SLIT3: variants seen among roughly 807,000 people sequenced by gnomAD.
The protein encoded by SLIT3 is slit guidance ligand 3, also known as slit homolog 3 protein.
A neutral mutation model predicts 184.0 loss-of-function variants in SLIT3; 68 were observed. The ratio of observed to expected loss-of-function variants is 0.37; its 90% CI spans 0.30 to 0.45. The LOEUF is 0.45. SLIT3 is among the 20% of genes least tolerant of loss of function. The pLI, the probability that SLIT3 is intolerant of heterozygous loss-of-function variation, is 1.00. For missense variants in SLIT3, 1,707 were observed against 2,026.0 expected (o/e 0.84, Z 3.02); for synonymous variants, 831 against 828.6 (o/e 1.00, Z -0.05).
At chr5:169,143,826 C>T (rs1487949071) in intron 4 of SLIT3, among the ~76,000 whole-genome samples, 1 of 152,056 alleles carries the variant, frequency 6.6e-6, no homozygotes, top group Non-Finnish European at 1.5e-5. Flanking sequence ...TATGTATGCA[C>T]ATGTGTGTGT....
intron 4 of SLIT3, among the ~76,000 whole-genome samples, chr5:168,938,624 C>T (rs1762236104): frequency 6.6e-6 from 1 of 152,118 alleles, no homozygotes; most frequent in Admixed American, 6.5e-5. Flanking sequence ...CTTTTCTCTA[C>T]ACAATGATTA....
Position 168,983,687 on chromosome 5 carries a change from G to C in SLIT3, c.414-100351C>G, listed in dbSNP as rs191112195. Among the ~76,000 whole-genome samples the C allele has an allele frequency of 9.2e-5, 14 of 152,260 alleles. No homozygotes were observed. The East Asian group carries it at 2.5e-3, about 27-fold the overall frequency. On this transcript the variant is annotated intron_variant, in intron 4 of 35. Transcript: ENST00000519560. ...TAAAAATTAAATTATAAAGCATTTA[G>C]AACAGTGCTTGGTGCACAGTAAACA...
chr5:168,928,933 G>T (rs1051096463), intron 4 of SLIT3, among the ~76,000 whole-genome samples: 4 of 152,190 alleles, frequency 2.6e-5, no homozygotes, highest in African/African-American at 9.7e-5. Flanking sequence ...CTTGGCGTAA[G>T]ACTCTTCCCA....
At chr5:169,227,850 G>A (rs542219525) in intron 3 of SLIT3, among the ~76,000 whole-genome samples, 51 of 152,370 alleles carry the variant, frequency 3.3e-4, no homozygotes, top group African/African-American at 1.2e-3. Flanking sequence ...TGGCAGAGGA[G>A]GAGCTGAGAT....
chr5:169,185,963 T>G (rs1172794561), intron 4 of SLIT3, among the ~76,000 whole-genome samples: 1 of 152,182 alleles, frequency 6.6e-6, no homozygotes, highest in Non-Finnish European at 1.5e-5. Context: ...GGCCTCTGTT[T>G]CTGTATCTCT....
At chr5:168,738,891 T>G (rs892330346) in intron 20 of SLIT3, among the ~76,000 whole-genome samples, 12 of 127,358 alleles carry the variant, frequency 9.4e-5, no homozygotes, top group African/African-American at 3.6e-4. Flanking sequence ...TGAGCCGAGA[T>G]GGCGCCACTG....
At chr5:168,712,428 G>T (rs1274139629) in intron 23 of SLIT3, 74 bp from the exon 24 acceptor site, 2 of 1,265,430 alleles carry the variant, frequency 1.6e-6, no homozygotes, top group Non-Finnish European at 2.3e-6. Flanking sequence ...GGCCTCCAGT[G>T]CCTGGCCCTG....
chr5:168,695,507 A>G (rs1417754102), intron 28 of SLIT3, among the ~76,000 whole-genome samples: 1 of 152,134 alleles, frequency 6.6e-6, no homozygotes, highest in Non-Finnish European at 1.5e-5. Flanking sequence ...TCTCATGGGG[A>G]TTTTTCCTCA....
At position 169,207,203 on chromosome 5, in the gene SLIT3, C is replaced by T. The variant is rs187609828; in HGVS notation, c.342-13653G>A. On this transcript the variant is annotated intron_variant, in intron 3 of 35. Transcript: ENST00000519560. The stretch of plus-strand genomic sequence containing the variant: ...GTTCCACATCCCAACCACAGCTTTG[C>T]GATCCCATCCAAACTTATTGGCGTT... Among the ~76,000 whole-genome samples, 147 of 152,096 alleles carry T rather than the reference C, an allele frequency of 9.7e-4. 1 individual carries two copies. The highest frequency in any genetic ancestry group is 8.1e-3 in the East Asian group (42 of 5,180).
chr5:169,299,015 A>G (rs1767597588), intron 1 of SLIT3, among the ~76,000 whole-genome samples: 1 of 152,168 alleles, frequency 6.6e-6, no homozygotes. Context: ...CAAGTTTTTC[A>G]CTCCTATGGA....
chr5:169,270,007 A>C (rs1766543734), intron 1 of SLIT3, among the ~76,000 whole-genome samples: 1 of 152,188 alleles, frequency 6.6e-6, no homozygotes, highest in African/African-American at 2.4e-5. Flanking sequence ...TGAAAAATAG[A>C]TCTCTACACT....
At chr5:168,854,495 G>A (rs1486208305) in intron 5 of SLIT3, among the ~76,000 whole-genome samples, 1 of 152,186 alleles carries the variant, frequency 6.6e-6, no homozygotes, top group African/African-American at 2.4e-5. Context: ...TGAGGATCAT[G>A]GATGGGTGTC....
At chr5:168,812,291 A>C (rs1412110842) in intron 8 of SLIT3, among the ~76,000 whole-genome samples, 1 of 152,230 alleles carries the variant, frequency 6.6e-6, no homozygotes, top group South Asian at 2.1e-4. Flanking sequence ...TCTAGTGCCC[A>C]GTAGGGTGAC....
rs189998949 is a variant in SLIT3, at chr5:168,885,326, T to C, written c.414-1990A>G. Among the ~76,000 whole-genome samples, 21 of 152,276 alleles carry C rather than the reference T, an allele frequency of 1.4e-4. No homozygotes were observed. In the East Asian group the frequency reaches 3.1e-3, roughly 22 times the overall value. ...GATGTAAGTAAATTCAGATGCACAA[T>C]GAGCGCTGTCTCAGGCTCCCCCAGC... On this transcript the variant is annotated intron_variant, in intron 4 of 35. Coordinates refer to ENST00000519560, the MANE Select transcript of SLIT3 (RefSeq NM_003062.4).
At chr5:169,281,301 ACC>A (rs1304166408) in intron 1 of SLIT3, among the ~76,000 whole-genome samples, 12 of 152,190 alleles carry the variant, frequency 7.9e-5, no homozygotes, top group African/African-American at 2.9e-4. Context: ...ACATGGTGAA[ACC>A]CCGTCTCTAC....
chr5:169,036,994 A>G (rs74377892), intron 4 of SLIT3, among the ~76,000 whole-genome samples: 2,581 of 152,290 alleles, frequency 0.017, 83 homozygotes, highest in African/African-American at 0.057. Flanking sequence ...TAGTGGGACA[A>G]GCAAAACAAG....
chr5:169,091,312 G>C (rs1759575848), intron 4 of SLIT3, among the ~76,000 whole-genome samples: 2 of 152,178 alleles, frequency 1.3e-5, no homozygotes, highest in Non-Finnish European at 2.9e-5. Context: ...ATGCATTCTT[G>C]CTTTAGGTGG....
At chr5:169,097,997 A>G (rs138919481) in intron 4 of SLIT3, among the ~76,000 whole-genome samples, 235 of 152,348 alleles carry the variant, frequency 1.5e-3, no homozygotes, top group African/African-American at 5.5e-3. Flanking sequence ...TTTTTAAAAT[A>G]TACTTGACAA....
At chr5:169,093,201 C>T (rs1759652936) in intron 4 of SLIT3, among the ~76,000 whole-genome samples, 1 of 152,164 alleles carries the variant, frequency 6.6e-6, no homozygotes, top group South Asian at 2.1e-4. Flanking sequence ...ATTCACCTCT[C>T]TTGCTTCTTC....
Sources: gnomAD v4.1 joint callset for allele counts (sites outside exome capture counted in the v4.1 genomes callset) on GRCh38, gnomAD v4.1.1 for gene constraint, MANE v1.5 for transcripts, NCBI Gene and HGNC (gene_info 2026-07-23, HGNC 2026-07-21) for gene names.